The following BNC2 variants were observed in gnomAD, a reference collection of about 807,000 sequenced individuals.
The protein encoded by BNC2 is zinc finger protein basonuclin-2.
BNC2 carries 20 observed loss-of-function variants against 76.3 expected under a neutral mutation model. The ratio of observed to expected loss-of-function variants is 0.26; its 90% CI spans 0.18 to 0.38. BNC2 has a LOEUF of 0.38. Ranked by LOEUF, BNC2 falls within the 10% of genes least tolerant of loss-of-function variation. The pLI, the probability that BNC2 is intolerant of heterozygous loss-of-function variation, is 1.00. For synonymous variants in BNC2, 582 were observed against 514.8 expected, an observed-to-expected ratio of 1.13 and a Z score of -1.77; for missense variants, 1,382 against 1,399.8, an observed-to-expected ratio of 0.99 and a Z score of 0.20.
intron 5 of BNC2, among the ~76,000 whole-genome samples, chr9:16,460,207 ACT>A (rs1821544693): frequency 6.6e-6 from 1 of 152,190 alleles, no homozygotes; most frequent in African/African-American, 2.4e-5. Flanking sequence ...GTAAAAGATC[ACT>A]GTTATTACAA....
intron 6 of BNC2, chr9:16,430,113 T>C: frequency 2.3e-6 from 1 of 440,572 alleles, no homozygotes; most frequent in East Asian, 7.0e-5. Flanking sequence ...TTTGTGTGTT[T>C]GCTTCTGATG....
chr9:16,559,500 C>G (rs1468522369), intron 4 of BNC2, among the ~76,000 whole-genome samples: 2 of 152,198 alleles, frequency 1.3e-5, no homozygotes, highest in Non-Finnish European at 2.9e-5. Flanking sequence ...AGGTAACTGG[C>G]CTAAGGTCAC....
In BNC2 at chr9:16,414,239, G is replaced by A. The variant is rs1820536397; in HGVS notation, c.*4750C>T. The A allele has an allele frequency of 6.6e-6, 1 of 152,194 alleles. No individual in the cohort carries two copies. The highest frequency in any genetic ancestry group is 2.4e-5 in the African/African-American group (1 of 41,448). 9.4% of individuals were successfully genotyped at this position (152,194 alleles called of 1,614,324 possible). A position where few individuals can be genotyped will look rare whatever the true frequency, so the allele number is the denominator to read the frequency against. On this transcript the variant is annotated 3_prime_UTR_variant, in exon 7 of 7. Coordinates refer to ENST00000380672, the MANE Select transcript of BNC2 (RefSeq NM_017637.6). ...ACGCTCTCACCCACTGCGAGGCAGA[G>A]CTATGCCAGTCTTTTCTCTCGAGCC... is the stretch of plus-strand genomic sequence containing the variant.
chr9:16,554,975 C>A (rs1430455412), intron 4 of BNC2, among the ~76,000 whole-genome samples: 2 of 152,124 alleles, frequency 1.3e-5, no homozygotes, highest in Admixed American at 6.5e-5. Context: ...GTGAAAAAAA[C>A]CACAATCACT....
At chr9:16,615,007 C>CAAG (rs1409148202) in intron 3 of BNC2, among the ~76,000 whole-genome samples, 2 of 123,046 alleles carry the variant, frequency 1.6e-5, no homozygotes, top group African/African-American at 6.5e-5. Flanking sequence ...AAAAAAAAGC[C>CAAG]AAGCAGGCCA....
chr9:16,420,455 A>G (rs1820686871), intron 6 of BNC2, among the ~76,000 whole-genome samples: 1 of 151,816 alleles, frequency 6.6e-6, no homozygotes, highest in South Asian at 2.1e-4. Context: ...GAAAAACAGA[A>G]ACTTTTTAAA....
intron 3 of BNC2, among the ~76,000 whole-genome samples, chr9:16,688,519 TCTGTG>T (rs1329947432): frequency 2.0e-5 from 3 of 152,234 alleles, no homozygotes; most frequent in Non-Finnish European, 4.4e-5. Context: ...CCACTTTTCC[TCTGTG>T]CTAACACCTA....
At chr9:16,433,467 AG>A (rs1382089780) in intron 6 of BNC2, among the ~76,000 whole-genome samples, 1 of 152,192 alleles carries the variant, frequency 6.6e-6, no homozygotes, top group African/African-American at 2.4e-5. Flanking sequence ...CTTCCCACCT[AG>A]AATATCCTCG....
intron 4 of BNC2, among the ~76,000 whole-genome samples, chr9:16,572,925 G>T (rs1378364655): frequency 6.6e-6 from 1 of 151,986 alleles, no homozygotes; most frequent in South Asian, 2.1e-4. Context: ...CGATTACCAC[G>T]TCTAATGGAA....
intron 3 of BNC2, among the ~76,000 whole-genome samples, chr9:16,652,063 A>G (rs1821808887): frequency 6.6e-6 from 1 of 152,192 alleles, no homozygotes; most frequent in East Asian, 1.9e-4. Context: ...AGACATTGAT[A>G]TATCCTAAAT....
chr9:16,409,832 C>A lies in BNC2; in HGVS notation c.*9157G>T, dbSNP rs1328893044. 6.6e-6 allele frequency: 1 copy of A among 152,622 alleles called. No individual in the cohort carries two copies. Among genetic ancestry groups the A allele is most frequent in the Non-Finnish European group, 1.5e-5 (1 of 68,050 alleles). 9.5% of individuals were successfully genotyped at this position (152,622 alleles called of 1,614,324 possible). A position where few individuals can be genotyped will look rare whatever the true frequency, so the allele number is the denominator to read the frequency against. ...ATCAGGGTGATGCACACTGTCCCATCCCTTGGTGCAGTTACCTTTTGAAGT... is the reference window on the plus strand; with the variant it reads ...ATCAGGGTGATGCACACTGTCCCATACCTTGGTGCAGTTACCTTTTGAAGT... On this transcript the variant is annotated 3_prime_UTR_variant, in exon 7 of 7. Transcript: ENST00000380672.
At chr9:16,857,914 TAA>T (rs1419876367) in intron 1 of BNC2, among the ~76,000 whole-genome samples, 1 of 152,260 alleles carries the variant, frequency 6.6e-6, no homozygotes, top group Non-Finnish European at 1.5e-5. Flanking sequence ...GCCTCTAAAT[TAA>T]GTTACCTTTC....
chr9:16,682,242 G>A lies in BNC2; in HGVS notation c.330+45555C>T, dbSNP rs185236811. Among the ~76,000 whole-genome samples the A allele has an allele frequency of 1.0e-3, 141 of 135,910 alleles. 2 individuals carry two copies. Among genetic ancestry groups the A allele is most frequent in the African/African-American group, 4.1e-3 (135 of 32,942 alleles). 89.2% of individuals were successfully genotyped at this position (135,910 alleles called of 152,430 possible). A position where few individuals can be genotyped will look rare whatever the true frequency, so the allele number is the denominator to read the frequency against. On this transcript the variant is annotated intron_variant, in intron 3 of 6. Transcript: ENST00000380672. The stretch of plus-strand genomic sequence containing the variant: ...AAACATGACCAGCTTTGCCCCAGTA[G>A]GTTTATCATGTAATAAAAAGTTTCA...
At chr9:16,635,918 G>A (rs762318687) in intron 3 of BNC2, among the ~76,000 whole-genome samples, 1 of 152,136 alleles carries the variant, frequency 6.6e-6, no homozygotes, top group African/African-American at 2.4e-5. Context: ...TGAGGGCAGG[G>A]GACAAAAGAG....
At chr9:16,631,132 A>T (rs1195384819) in intron 3 of BNC2, among the ~76,000 whole-genome samples, 1 of 152,158 alleles carries the variant, frequency 6.6e-6, no homozygotes, top group Non-Finnish European at 1.5e-5. Context: ...TAAAATCTCA[A>T]GACAAATAAC....
chr9:16,683,089 T>C (rs1166353862), intron 3 of BNC2, among the ~76,000 whole-genome samples: 1 of 152,094 alleles, frequency 6.6e-6, no homozygotes, highest in Non-Finnish European at 1.5e-5. Flanking sequence ...CAAGCAATAT[T>C]AACACAAACC....
At chr9:16,811,552 C>CA (rs1179927173) in intron 1 of BNC2, among the ~76,000 whole-genome samples, 4,716 of 57,360 alleles carry the variant, frequency 0.082, 465 homozygotes, top group African/African-American at 0.13. Context: ...AACTCCATCT[C>CA]AAAAAAAAAA....
chr9:16,463,294 C>CTTTTTTTTTTTT (rs34855187), intron 5 of BNC2, among the ~76,000 whole-genome samples: 7 of 105,606 alleles, frequency 6.6e-5, no homozygotes, highest in African/African-American at 2.6e-4. Flanking sequence ...GTATTAAATT[C>CTTTTTTTTTTTT]TTTTTTTTTT....
chr9:16,508,264 A>G (rs1822675263), intron 5 of BNC2, among the ~76,000 whole-genome samples: 1 of 152,248 alleles, frequency 6.6e-6, no homozygotes, highest in African/African-American at 2.4e-5. Flanking sequence ...GGTCAAAGAC[A>G]TCTTGGACTT....
Sources: allele counts gnomAD v4.1 joint callset (sites outside exome capture counted in the v4.1 genomes callset), GRCh38; gene constraint gnomAD v4.1.1; transcripts MANE v1.5; gene names NCBI Gene and HGNC (gene_info 2026-07-23, HGNC 2026-07-21).